Variants in CLPP observed in about 807,000 individuals in gnomAD.
CLPP encodes ATP-dependent Clp protease proteolytic subunit, mitochondrial.
In CLPP, 14 loss-of-function variants were observed where a neutral mutation model predicts 27.4. The ratio of observed to expected loss-of-function variants is 0.51; its 90% CI spans 0.34 to 0.80. The LOEUF (loss-of-function observed/expected upper bound fraction) is 0.80. Ranked by LOEUF, CLPP falls within the 30% of genes least tolerant of loss-of-function variation. The pLI, the probability that CLPP is intolerant of heterozygous loss-of-function variation, is 0.02. For synonymous variants in CLPP, 193 were observed against 166.6 expected, an observed-to-expected ratio of 1.16 and a Z score of -1.22; for missense variants, 361 against 403.6, an observed-to-expected ratio of 0.89 and a Z score of 0.90.
Position 6,364,878 on chromosome 19 carries a change from G to A in CLPP, c.555+239G>A, listed in dbSNP as rs568186252. ...TGAGTAGCTGGGACTACAGGCGCCC[G>A]CCACCACGCTCGGCTTTTTGTATTT... On this transcript the variant is annotated intron_variant, in intron 4 of 5. Coordinates refer to ENST00000245816, the MANE Select transcript of CLPP (RefSeq NM_006012.4). The A allele has an allele frequency of 1.3e-3, 559 of 434,178 alleles. 1 individual carries two copies. The highest frequency in any genetic ancestry group is 9.8e-3 in the African/African-American group (473 of 48,368). The allele number at this position is 434,178 out of a possible 1,614,324, so 26.9% of individuals were successfully genotyped here. A position where few individuals can be genotyped will look rare whatever the true frequency, so the allele number is the denominator to read the frequency against.
chr19:6,362,094 GT>G, intron 2 of CLPP, 154 bp downstream of exon 2: 1 of 686,008 alleles, frequency 1.5e-6, no homozygotes. Context: ...CTGGCTCCCG[GT>G]CCCCCAACCC....
intron 3 of CLPP, among the ~76,000 whole-genome samples, chr19:6,363,726 C>T (rs2091847614): frequency 6.6e-6 from 1 of 151,640 alleles, no homozygotes; most frequent in Admixed American, 6.6e-5. Context: ...GGTGAAATCC[C>T]ATCTCTACTA....
In CLPP at chr19:6,368,860, C is replaced by T; in HGVS notation, c.*150C>T. ...GGTGCCCGCTATGGACGGGGCATTC[C>T]AGCTGAGACACTGTGATTTTAAATT... On this transcript the variant is annotated 3_prime_UTR_variant, in exon 6 of 6. Coordinates refer to ENST00000245816, the MANE Select transcript of CLPP (RefSeq NM_006012.4). 3 of 648,926 alleles carry T rather than the reference C, an allele frequency of 4.6e-6. No individual in the cohort carries two copies. Among genetic ancestry groups the T allele is most frequent in the Non-Finnish European group, 7.9e-6 (3 of 381,026 alleles). The allele number at this position is 648,926 out of a possible 1,614,324, so 40.2% of individuals were successfully genotyped here.
chr19:6,364,692 G>A, intron 4 of CLPP, 53 bp downstream of exon 4: 1 of 1,515,722 alleles, frequency 6.6e-7, no homozygotes, highest in Middle Eastern at 1.7e-4. Flanking sequence ...GGTCTAGACA[G>A]AAGGACTGAC....
intron 5 of CLPP, among the ~76,000 whole-genome samples, chr19:6,367,331 C>T (rs888667313): frequency 2.8e-5 from 4 of 145,132 alleles, no homozygotes; most frequent in Non-Finnish European, 4.5e-5. Context: ...GTCGAGATTG[C>T]ACCACTGCAC....
intron 5 of CLPP, 110 bp downstream of exon 5, chr19:6,366,473 C>T: frequency 1.4e-6 from 1 of 732,304 alleles, no homozygotes; most frequent in Non-Finnish European, 2.3e-6. Context: ...CTGGATCGTT[C>T]TCTGGGATGG....
intron 3 of CLPP, 96 bp downstream of exon 3, chr19:6,362,638 G>A (rs1697436614): frequency 3.4e-6 from 3 of 882,088 alleles, no homozygotes; most frequent in Non-Finnish European, 3.8e-6. Context: ...TCTCTCTCTG[G>A]GAAAGGGTGC....
At chr19:6,368,491 G>A in intron 5 of CLPP, 47 bp from the exon 6 acceptor site, 1 of 1,605,976 alleles carries the variant, frequency 6.2e-7, no homozygotes, top group Non-Finnish European at 8.5e-7. Context: ...CTGGCCCTGG[G>A]TCTCTGCTCT....
At chr19:6,362,672 G>T in intron 3 of CLPP, 130 bp downstream of exon 3, 1 of 672,378 alleles carries the variant, frequency 1.5e-6, no homozygotes, top group Non-Finnish European at 2.6e-6. Context: ...TCCAGAAGTG[G>T]CTTTAAACCA....
At chr19:6,366,448 T>C in intron 5 of CLPP, 85 bp downstream of exon 5, 3 of 1,037,520 alleles carry the variant, frequency 2.9e-6, no homozygotes, top group Non-Finnish European at 2.9e-6. Flanking sequence ...ACCTGGCCCC[T>C]GCGGACTTTC....
Position 6,361,940 on chromosome 19 carries a change from G to C in CLPP, c.270G>C (p.Pro90=). The C allele has an allele frequency of 6.3e-7, 1 of 1,596,402 alleles. No individual in the cohort carries two copies. The highest frequency in any genetic ancestry group is 1.7e-4 in the Middle Eastern group (1 of 5,948). Residue 90 remains proline (P), a splice_region_variant and synonymous_variant, in exon 2 of 6, where the codon CCG becomes CCC. Coordinates refer to ENST00000245816, the MANE Select transcript of CLPP (RefSeq NM_006012.4). ...LRERIVCVMG[P]IDDSVASLVI... is the part of the protein sequence containing the mutation. ...AGCGCATCGTGTGCGTCATGGGCCC[G>C]GTGAGCGCCCCGCGCCGGGACCCTC...
intron 3 of CLPP, among the ~76,000 whole-genome samples, chr19:6,362,896 T>G (rs2091843194): frequency 1.3e-5 from 2 of 152,006 alleles, no homozygotes; most frequent in Admixed American, 1.3e-4. Context: ...AAGACCAGCC[T>G]GGGTAACGTA....
chr19:6,366,138 C>A (rs2860168), intron 4 of CLPP, 120 bp from the exon 5 acceptor site: 1 of 645,736 alleles, frequency 1.5e-6, no homozygotes, highest in Admixed American at 2.7e-5. Context: ...CCCCAGCCCA[C>A]CAGCCTCAAA....
intron 3 of CLPP, 101 bp downstream of exon 3, chr19:6,362,643 G>C: frequency 1.2e-6 from 1 of 847,842 alleles, no homozygotes; most frequent in Non-Finnish European, 2.0e-6. Context: ...CTCTGGGAAA[G>C]GGTGCAGAGC....
In CLPP at chr19:6,362,475, C is replaced by G. The variant is rs199848903; in HGVS notation, c.300C>G (p.Ile100Met). ...ATGACAGCGTTGCCAGCCTTGTTAT[C>G]GCACAGCTCCTCTTCCTGCAATCCG... Reference protein sequence around the residue: ...PIDDSVASLVIAQLLFLQSES... With the variant: ...PIDDSVASLVMAQLLFLQSES... The change falls in exon 3 of 6, where the codon ATC (isoleucine) becomes ATG (methionine). Residue 100 changes from isoleucine to methionine, a missense_variant. Ile to Met is a conservative substitution (Grantham distance 10). Transcript: ENST00000245816. 1 of 1,614,038 alleles carries G rather than the reference C, an allele frequency of 6.2e-7. No individual in the cohort carries two copies. The highest frequency in any genetic ancestry group is 8.5e-7 in the Non-Finnish European group (1 of 1,179,952).
Position 6,368,764 on chromosome 19 carries a change from C to G in CLPP, c.*54C>G. ...GGAGGGGCCAGAGGCCTGCCAGACC[C>G]CCAGCTGGGCCCTGCTCACCCCTTG... On this transcript the variant is annotated 3_prime_UTR_variant, in exon 6 of 6. Transcript: ENST00000245816. The G allele has an allele frequency of 2.0e-6, 3 of 1,494,236 alleles. No homozygotes were observed. The highest frequency in any genetic ancestry group is 1.8e-6 in the Non-Finnish European group (2 of 1,108,792). The allele number at this position is 1,494,236 out of a possible 1,614,324, so 92.6% of individuals were successfully genotyped here.
chr19:6,370,128 G>A lies in CLPP; in HGVS notation c.*1418G>A, dbSNP rs2091880922. Among the ~76,000 whole-genome samples, 1 of 152,218 alleles carries A rather than the reference G, an allele frequency of 6.6e-6. No individual in the cohort carries two copies. The highest frequency in any genetic ancestry group is 2.4e-5 in the African/African-American group (1 of 41,454). On this transcript the variant is annotated 3_prime_UTR_variant, in exon 6 of 6. Transcript: ENST00000245816. ...CCTGAGATGGGAAGTGTAGGCAAAG[G>A]AACAGGCTTGGGGAGGGATCAGGAG...
At chr19:6,362,653 C>T (rs1223539509) in intron 3 of CLPP, 111 bp downstream of exon 3, 5 of 767,390 alleles carry the variant, frequency 6.5e-6, no homozygotes, top group African/African-American at 3.5e-5. Context: ...GGGTGCAGAG[C>T]GTCAGAGTTC....
chr19:6,362,250 C>G (rs771886762), intron 2 of CLPP, 196 bp from the exon 3 acceptor site: 53 of 603,418 alleles, frequency 8.8e-5, no homozygotes, highest in Non-Finnish European at 1.4e-4. Context: ...CCCTGACTCC[C>G]CCCTTCCTGT....
Sources: gnomAD v4.1 joint callset for allele counts (sites outside exome capture counted in the v4.1 genomes callset) on GRCh38, gnomAD v4.1.1 for gene constraint, MANE v1.5 for transcripts, NCBI Gene and HGNC (gene_info 2026-07-23, HGNC 2026-07-21) for gene names.